NBEAL1: variants seen among roughly 807,000 people sequenced by gnomAD.
NBEAL1 encodes neurobeachin like 1.
NBEAL1 carries 273 observed loss-of-function variants against 351.3 expected under a neutral mutation model. That is an observed-to-expected ratio of 0.78 (90% confidence interval 0.70 to 0.86). The LOEUF (loss-of-function observed/expected upper bound fraction) is 0.86, where lower values mean the gene tolerates loss of function less well. Among genes scored for constraint, NBEAL1 ranks in the 40% least tolerant of loss-of-function variants. NBEAL1 has a pLI of 0.00. For synonymous variants in NBEAL1, 1,050 were observed against 1,086.4 expected (o/e 0.97, Z 0.66); for missense variants, 2,961 against 3,201.3 (o/e 0.92, Z 1.81).
intron 18 of NBEAL1, among the ~76,000 whole-genome samples, 156 bp downstream of exon 18, chr2:203,116,226 G>C (rs964190363): frequency 2.6e-5 from 4 of 152,150 alleles, no homozygotes; most frequent in African/African-American, 9.7e-5. Context: ...GTGAGAAGCA[G>C]TAAAAATTAA....
intron 38 of NBEAL1, among the ~76,000 whole-genome samples, chr2:203,169,476 G>A (rs1575076613): frequency 6.6e-6 from 1 of 151,036 alleles, no homozygotes. Flanking sequence ...TGAGGTGGGA[G>A]GATCACTTGT....
Position 203,084,481 on chromosome 2 carries a change from T to G in NBEAL1, c.1010T>G (p.Leu337Ter). The G allele has an allele frequency of 5.3e-6, 8 of 1,497,602 alleles. No homozygotes were observed. Among genetic ancestry groups the G allele is most frequent in the Non-Finnish European group, 7.1e-6 (8 of 1,123,852 alleles). 92.8% of individuals were successfully genotyped at this position (1,497,602 alleles called of 1,614,324 possible). The change falls in exon 10 of 56, where the codon TTA (leucine) becomes TGA (stop). Residue 337 changes from leucine (L) to a stop codon, truncating the protein, a stop_gained. Coordinates refer to ENST00000683969, the MANE Select transcript of NBEAL1 (RefSeq NM_001378026.1). LOFTEE classifies it high-confidence loss of function. Reference sequence around the variant, plus strand: ...TTCCTAGATACCATCACAGCCATGTTAGATTGTACAGATAGACCTGTTCTT... The same window carrying G: ...TTCCTAGATACCATCACAGCCATGTGAGATTGTACAGATAGACCTGTTCTT... ...IKMLNTITAM[L>*]DCTDRPVLQA...
At position 203,112,318 on chromosome 2, in the gene NBEAL1, A is replaced by T. The variant is rs1023697764; in HGVS notation, c.2202+220A>T. Among the ~76,000 whole-genome samples, 10 of 152,258 alleles carry T rather than the reference A, an allele frequency of 6.6e-5. 1 individual carries two copies. Among genetic ancestry groups the T allele is most frequent in the Admixed American group, 5.9e-4 (9 of 15,284 alleles). ...AAAAAGGAAAACATTTAAGGAAGAA[A>T]CAAAGGCTTAGAAAGAAAGACTTAT... On this transcript the variant is annotated intron_variant, in intron 16 of 55. Transcript: ENST00000683969.
rs1452303222 is a variant in NBEAL1, at chr2:203,197,335, A to G, written c.7072A>G (p.Thr2358Ala). The G allele has an allele frequency of 7.5e-6, 12 of 1,604,224 alleles. No homozygotes were observed. Among genetic ancestry groups the G allele is most frequent in the Non-Finnish European group, 7.7e-6 (9 of 1,171,166 alleles). Residue 2358 changes from threonine to alanine, a missense_variant, in exon 48 of 56, where the codon ACC becomes GCC. Physicochemically the swap from Thr to Ala is moderately conservative, Grantham distance 58. Coordinates refer to ENST00000683969, the MANE Select transcript of NBEAL1 (RefSeq NM_001378026.1). ...TGATGGTATTCCACTATTAAAGGCC[A>G]CCATCCCCAAAAATCAGTATCGTTC... ...ISDGIPLLKA[T>A]IPKNQYRSFM... is the part of the protein sequence containing the mutation.
At chr2:203,121,653 CAAA>C (rs762624821) in intron 18 of NBEAL1, among the ~76,000 whole-genome samples, 2 of 72,084 alleles carry the variant, frequency 2.8e-5, no homozygotes, top group African/African-American at 5.3e-5. Flanking sequence ...ACTCTGTCTC[CAAA>C]AAAAAAAAAA....
In NBEAL1 at chr2:203,220,532, G is replaced by A. The variant is rs974591211; in HGVS notation, c.*3178G>A. On this transcript the variant is annotated 3_prime_UTR_variant, in exon 56 of 56. Transcript: ENST00000683969. ...TTTGCAAAACTTTTTGTATGCTTTT[G>A]TTTCTTGATACTGGTGATGACAAAA... Among the ~76,000 whole-genome samples, 2 of 151,670 alleles carry A rather than the reference G, an allele frequency of 1.3e-5. No homozygotes were observed. The highest frequency in any genetic ancestry group is 4.8e-5 in the African/African-American group (2 of 41,288).
At chr2:203,199,202 G>T in intron 48 of NBEAL1, 136 bp from the exon 49 acceptor site, 1 of 523,432 alleles carries the variant, frequency 1.9e-6, no homozygotes, top group South Asian at 3.5e-5. Context: ...TGTGCTTAAT[G>T]AGTTTCAGGT....
chr2:203,171,865 C>A (rs968534019), intron 39 of NBEAL1, 63 bp from the exon 40 acceptor site: 4 of 794,218 alleles, frequency 5.0e-6, no homozygotes, highest in Non-Finnish European at 5.8e-6. Context: ...TCAGTAATAG[C>A]TACCAATGTC....
intron 51 of NBEAL1, among the ~76,000 whole-genome samples, chr2:203,204,772 G>A (rs891146697): frequency 2.6e-5 from 4 of 151,702 alleles, no homozygotes; most frequent in Admixed American, 2.0e-4. Flanking sequence ...TTTTTAGTGG[G>A]GTTTTAAAAA....
At chr2:203,146,287 G>A (rs184308484) in intron 33 of NBEAL1, among the ~76,000 whole-genome samples, 7 of 152,178 alleles carry the variant, frequency 4.6e-5, no homozygotes, top group East Asian at 1.9e-4. Context: ...GGCCCAGATG[G>A]TTTCACTGGC....
At chr2:203,091,914 T>C (rs1315983377) in intron 10 of NBEAL1, among the ~76,000 whole-genome samples, 1 of 152,224 alleles carries the variant, frequency 6.6e-6, no homozygotes. Flanking sequence ...GTACTTTTGT[T>C]TCATTTAAGA....
At chr2:203,047,692 ACT>A (rs1165274611) in intron 3 of NBEAL1, among the ~76,000 whole-genome samples, 1 of 150,260 alleles carries the variant, frequency 6.7e-6, no homozygotes, top group African/African-American at 2.5e-5. Flanking sequence ...CTCTTTGAAC[ACT>A]CTATAATAGT....
At chr2:203,125,612 AACTT>A in intron 20 of NBEAL1, 92 bp downstream of exon 20, 2 of 1,156,024 alleles carry the variant, frequency 1.7e-6, no homozygotes, top group Non-Finnish European at 2.3e-6. Flanking sequence ...ATTAGGAAGA[AACTT>A]AACCATTTGT....
At chr2:203,015,625 T>C (rs2060666601) in intron 1 of NBEAL1, among the ~76,000 whole-genome samples, 1 of 152,154 alleles carries the variant, frequency 6.6e-6, no homozygotes, top group Non-Finnish European at 1.5e-5. Context: ...CACGCCCGGC[T>C]AATTTTTTGT....
At chr2:203,146,543 AG>A (rs755865199) in intron 33 of NBEAL1, among the ~76,000 whole-genome samples, 8 of 152,178 alleles carry the variant, frequency 5.3e-5, no homozygotes. Context: ...CTGTAATCCC[AG>A]CACTTTAGGA....
At chr2:203,125,599 G>A (rs1575006726) in intron 20 of NBEAL1, 79 bp downstream of exon 20, 13 of 1,247,240 alleles carry the variant, frequency 1.0e-5, no homozygotes, top group Non-Finnish European at 1.4e-5. Flanking sequence ...ATGTTTTACT[G>A]TCATTAGGAA....
At chr2:203,044,008 T>C (rs1258559570) in intron 3 of NBEAL1, among the ~76,000 whole-genome samples, 1 of 152,182 alleles carries the variant, frequency 6.6e-6, no homozygotes, top group Non-Finnish European at 1.5e-5. Context: ...GTGTAGAGTG[T>C]CTTGATCATC....
chr2:203,042,357 G>A (rs1042734548), intron 3 of NBEAL1, among the ~76,000 whole-genome samples: 5 of 152,210 alleles, frequency 3.3e-5, no homozygotes, highest in Non-Finnish European at 5.9e-5. Context: ...AGGTGTGGAA[G>A]GGTCTGGAGG....
At chr2:203,086,927 GA>G (rs1240650847) in intron 10 of NBEAL1, among the ~76,000 whole-genome samples, 2 of 152,046 alleles carry the variant, frequency 1.3e-5, no homozygotes, top group African/African-American at 2.4e-5. Context: ...GGCTTTTCCT[GA>G]TCTCTCATCT....
Sources: allele counts gnomAD v4.1 joint callset (sites outside exome capture counted in the v4.1 genomes callset), GRCh38; gene constraint gnomAD v4.1.1; transcripts MANE v1.5; gene names NCBI Gene and HGNC (gene_info 2026-07-23, HGNC 2026-07-21).